Variants in ADAMTS7 observed in about 807,000 individuals in gnomAD.
The protein encoded by ADAMTS7 is A disintegrin and metalloproteinase with thrombospondin motifs 7.
ADAMTS7 carries 89 observed loss-of-function variants against 172.6 expected under a neutral mutation model. The observed-to-expected ratio is 0.52, with a 90% CI of 0.43 to 0.61. The LOEUF is 0.61. Ranked by LOEUF, ADAMTS7 falls within the 20% of genes least tolerant of loss-of-function variation. The probability of loss-of-function intolerance (pLI) is 0.00; values close to 1 mark genes in which losing one functional copy is unlikely to be tolerated. For missense variants in ADAMTS7, 1,973 were observed against 2,355.6 expected (o/e 0.84, Z 3.36); for synonymous variants, 885 against 978.4 (o/e 0.90, Z 1.78).
At chr15:78,769,612 G>A (rs1404591919) in intron 16 of ADAMTS7, among the ~76,000 whole-genome samples, 1 of 152,236 alleles carries the variant, frequency 6.6e-6, no homozygotes, top group Non-Finnish European at 1.5e-5. Flanking sequence ...AAGCAGGAGT[G>A]GAGGGGAGGC....
chr15:78,789,900 A>C, intron 6 of ADAMTS7, 62 bp from the exon 7 acceptor site: 1 of 1,519,150 alleles, frequency 6.6e-7, no homozygotes, highest in South Asian at 1.2e-5. Context: ...CACCTGAGCT[A>C]AGGCCAGGGA....
intron 1 of ADAMTS7, 137 bp downstream of exon 1, chr15:78,810,984 G>T: frequency 1.0e-6 from 1 of 970,436 alleles, no homozygotes; most frequent in Non-Finnish European, 1.3e-6. Context: ...CTAATACCCA[G>T]GGAGCGGAAG....
In ADAMTS7 at chr15:78,791,171, A is replaced by G. The variant is rs61752530; in HGVS notation, c.872T>C (p.Ile291Thr). Residue 291 changes from isoleucine (I) to threonine (T), a missense_variant, in exon 5 of 24, where the codon ATT becomes ACT. Physicochemically the swap from Ile to Thr is moderately conservative, Grantham distance 89 (BLOSUM62 -1). Transcript: ENST00000388820. ...ATCTTCCAGCAGGACCAGGCGCACA[A>G]TGGTGATGTGGATGGGGTTCCCAAT... ...PSIGNPIHIT[I>T]VRLVLLEDEE... is the part of the protein sequence containing the mutation. 7.6e-5 allele frequency: 122 copies of G among 1,613,486 alleles called. No individual in the cohort carries two copies. Among genetic ancestry groups the G allele is most frequent in the Non-Finnish European group, 9.7e-5 (114 of 1,179,744 alleles).
intron 8 of ADAMTS7, among the ~76,000 whole-genome samples, chr15:78,787,674 C>A (rs1410123667): frequency 6.6e-6 from 1 of 151,878 alleles, no homozygotes; most frequent in African/African-American, 2.4e-5. Flanking sequence ...AAAAAACAAA[C>A]AAACAACAAC....
intron 23 of ADAMTS7, among the ~76,000 whole-genome samples, chr15:78,760,367 G>A (rs1172153033): frequency 6.6e-6 from 1 of 152,138 alleles, no homozygotes; most frequent in Non-Finnish European, 1.5e-5. Context: ...TGCCACCCGG[G>A]CCCTGCTTAC....
chr15:78,788,467 T>G, intron 7 of ADAMTS7, 93 bp from the exon 8 acceptor site: 2 of 1,466,610 alleles, frequency 1.4e-6, no homozygotes, highest in Non-Finnish European at 9.2e-7. Context: ...GCAGTCCTAG[T>G]TCCCAGGGCT....
At position 78,800,529 on chromosome 15, in the gene ADAMTS7, C is replaced by A; in HGVS notation, c.119G>T (p.Arg40Leu). 6.3e-7 allele frequency: 1 copy of A among 1,599,364 alleles called. No individual in the cohort carries two copies. The highest frequency in any genetic ancestry group is 1.1e-5 in the South Asian group (1 of 88,828). ...GPAPGRATEGRAALDIVHPVR... is the reference protein window; with the variant it reads ...GPAPGRATEGLAALDIVHPVR... Reference sequence around the variant, plus strand: ...CGGGTGCACGATGTCCAGTGCCGCCCGGCCCTCGGTTGCACGTCCTGCAGG... The same window carrying A: ...CGGGTGCACGATGTCCAGTGCCGCCAGGCCCTCGGTTGCACGTCCTGCAGG... The change falls in exon 2 of 24, where the codon CGG becomes CTG. Residue 40 changes from arginine to leucine, a missense_variant. This residue lies in a region of ADAMTS7 where 306 missense variants were observed against 288.0 expected (regional missense o/e 1.06). Transcript: ENST00000388820.
chr15:78,770,944 G>A (rs958865758), intron 16 of ADAMTS7: 45 of 616,724 alleles, frequency 7.3e-5, no homozygotes, highest in East Asian at 7.1e-4. Context: ...CTGAACATGC[G>A]CCGCGAGCCA....
In ADAMTS7 at chr15:78,759,573, C is replaced by T. The variant is rs755670176; in HGVS notation, c.4909G>A (p.Glu1637Lys). 16 of 1,584,220 alleles carry T rather than the reference C, an allele frequency of 1.0e-5. No individual in the cohort carries two copies. Among genetic ancestry groups the T allele is most frequent in the Admixed American group, 1.7e-5 (1 of 58,422 alleles). The change falls in exon 24 of 24, where the codon GAG becomes AAG. Residue 1637 changes from glutamate to lysine, a missense_variant. Transcript: ENST00000388820. ...DCEPVEPPRC[E>K]RDRLSFGFCE... ...AACCCGAAGGACAGGCGGTCCCGCT[C>T]ACAGCCTGGAGTGGGGGGGCAGAGA...
intron 16 of ADAMTS7, among the ~76,000 whole-genome samples, chr15:78,769,206 G>A (rs1444650732): frequency 1.3e-5 from 2 of 152,126 alleles, no homozygotes; most frequent in African/African-American, 4.8e-5. Flanking sequence ...GCCAACCCTG[G>A]GGCCTTTGCA....
intron 8 of ADAMTS7, among the ~76,000 whole-genome samples, chr15:78,781,197 T>C (rs576910272): frequency 6.6e-6 from 1 of 152,194 alleles, no homozygotes; most frequent in Non-Finnish European, 1.5e-5. Context: ...TTTGGCACTT[T>C]CGGTGAATCT....
chr15:78,798,533 C>A (rs986249787), intron 2 of ADAMTS7, among the ~76,000 whole-genome samples: 9 of 152,180 alleles, frequency 5.9e-5, no homozygotes, highest in Non-Finnish European at 1.2e-4. Context: ...GCACTGTGCT[C>A]CCTCCCAGCT....
chr15:78,782,927 T>G (rs1596189685), intron 8 of ADAMTS7, among the ~76,000 whole-genome samples: 1 of 152,032 alleles, frequency 6.6e-6, no homozygotes, highest in East Asian at 1.9e-4. Context: ...ACCAGGAGGC[T>G]CTGGCCCAGG....
intron 4 of ADAMTS7, among the ~76,000 whole-genome samples, chr15:78,792,309 C>G (rs955129802): frequency 9.2e-5 from 14 of 152,216 alleles, no homozygotes; most frequent in African/African-American, 4.8e-5. Flanking sequence ...GACTCTGTCT[C>G]TTCTCTCCAT....
Position 78,764,612 on chromosome 15 carries a change from A to T in ADAMTS7, c.4362T>A (p.Pro1454=), listed in dbSNP as rs771410669. Residue 1454 remains proline (P), a synonymous_variant, in exon 20 of 24, where the codon CCT becomes CCA. Transcript: ENST00000388820. ...EDCAPAGRPQ[P]ARRCHLRPCA... ...AGGGCCGCAGGTGGCAGCGGCGGGC[A>T]GGCTGGGGCCGGCCAGCGGGGGCGC... The T allele has an allele frequency of 3.7e-5, 57 of 1,554,030 alleles. No individual in the cohort carries two copies. In the East Asian group the frequency reaches 9.7e-4, roughly 26 times the overall value.
At chr15:78,762,092 G>T in intron 23 of ADAMTS7, 1 of 984,714 alleles carries the variant, frequency 1.0e-6, no homozygotes, top group South Asian at 4.7e-5. Flanking sequence ...GAGACCTAGA[G>T]GAGAAAGAGC....
rs2055132630 is a variant in ADAMTS7 at position 78,765,801 on chromosome 15, G to A, written c.4110C>T (p.Ser1370=). The change falls in exon 19 of 24, where the codon AGC becomes AGT. Residue 1370 remains serine, a synonymous_variant. Transcript: ENST00000388820. The part of the protein sequence containing the change: ...PESLSPEVPL[S]SRLLSTPAWD... Reference sequence around the variant, plus strand: ...AAGCTGGTGTGGACAGCAGCCTAGAGCTCAGGGGCACCTCAGGGCTGAGGG... The same window carrying A: ...AAGCTGGTGTGGACAGCAGCCTAGAACTCAGGGGCACCTCAGGGCTGAGGG... The A allele has an allele frequency of 2.5e-6, 4 of 1,602,042 alleles. No individual in the cohort carries two copies. The highest frequency in any genetic ancestry group is 3.4e-6 in the Non-Finnish European group (4 of 1,176,072).
rs773636004 is a variant in ADAMTS7, at chr15:78,773,020, G to A, written c.2131+63C>T. ...CGAGGCCAAGGACAGGGGCCCAGGG[G>A]AGATGGGGAAGGGGCCATCAGGTGA... On this transcript the variant is annotated intron_variant, in intron 14 of 23. Transcript: ENST00000388820. The A allele has an allele frequency of 1.1e-4, 165 of 1,453,896 alleles. 6 individuals carry two copies. Among genetic ancestry groups the A allele is most frequent in the South Asian group, 6.4e-4 (52 of 81,412 alleles). 90.1% of individuals were successfully genotyped at this position (1,453,896 alleles called of 1,614,324 possible).
intron 22 of ADAMTS7, among the ~76,000 whole-genome samples, chr15:78,763,053 G>C (rs1328302026): frequency 2.0e-5 from 3 of 152,206 alleles, no homozygotes; most frequent in Admixed American, 6.5e-5. Flanking sequence ...CACTGAGTCT[G>C]TGCCAGTGTC....
Sources: gnomAD v4.1 joint callset for allele counts (sites outside exome capture counted in the v4.1 genomes callset) on GRCh38, gnomAD v4.1.1 for gene constraint, gnomAD v4.1.1 regional missense constraint, MANE v1.5 for transcripts, NCBI Gene and HGNC (gene_info 2026-07-23, HGNC 2026-07-21) for gene names.